The following H2AC12 variants were observed in gnomAD, a reference collection of about 807,000 sequenced individuals.
H2AC12 encodes the protein histone H2A type 1-H.
Under a neutral mutation model 5.8 loss-of-function variants are expected in H2AC12, and 9 were observed. That is an observed-to-expected ratio of 1.56 (90% CI 0.94 to 2.71). The LOEUF is 2.71. Among genes scored for constraint, H2AC12 ranks in the 30% most tolerant of loss-of-function variants. The pLI is 0.00. For synonymous variants in H2AC12, 158 were observed against 78.1 expected (o/e 2.02, Z -5.39); for missense variants, 232 against 173.1 (o/e 1.34, Z -1.91).
rs150434841 is a variant in H2AC12 at position 27,147,165 on chromosome 6, G to A, written c.37G>A (p.Ala13Thr). The A allele has an allele frequency of 6.2e-7, 1 of 1,613,394 alleles. No homozygotes were observed. The highest frequency in any genetic ancestry group is 8.5e-7 in the Non-Finnish European group (1 of 1,179,582). Residue 13 changes from alanine to threonine, a missense_variant, in exon 1 of 1, where the codon GCC (alanine) becomes ACC (threonine). By Grantham distance (58) the Ala-to-Thr change is moderately conservative. Coordinates refer to ENST00000377459, the MANE Select transcript of H2AC12 (RefSeq NM_080596.3). ...TGGCAAGCAAGGCGGTAAAGCTCGC[G>A]CCAAGGCCAAGACCCGCTCTTCTCG... Reference protein sequence around the residue: ...GRGKQGGKARAKAKTRSSRAG... With the variant: ...GRGKQGGKARTKAKTRSSRAG...
rs760012944 is a variant in H2AC12, at chr6:27,147,539, A to G, written c.*24A>G. 2.5e-6 allele frequency: 4 copies of G among 1,612,000 alleles called. No homozygotes were observed. The highest frequency in any genetic ancestry group is 3.4e-6 in the Non-Finnish European group (4 of 1,178,840). On this transcript the variant is annotated 3_prime_UTR_variant, in exon 1 of 1. Coordinates refer to ENST00000377459, the MANE Select transcript of H2AC12 (RefSeq NM_080596.3). ...AAGGAGCGAGGTTGTGAAAACTGGA[A>G]AACAAAGGCTCTTTTCAGAGCCATT... is the stretch of plus-strand genomic sequence containing the variant.
In H2AC12 at chr6:27,147,474, C is replaced by G; in HGVS notation, c.346C>G (p.Leu116Val). 1 of 1,614,188 alleles carries G rather than the reference C, an allele frequency of 6.2e-7. No individual in the cohort carries two copies. Among genetic ancestry groups the G allele is most frequent in the Non-Finnish European group, 8.5e-7 (1 of 1,180,034 alleles). ...GGVLPNIQAV[L>V]LPKKTESHHK... ...TGTCTTGCCCAATATCCAGGCCGTG[C>G]TGCTGCCTAAGAAGACTGAGAGCCA... is the stretch of plus-strand genomic sequence containing the variant. The change falls in exon 1 of 1, where the codon CTG (leucine) becomes GTG (valine). Residue 116 changes from leucine to valine, a missense_variant. Coordinates refer to ENST00000377459, the MANE Select transcript of H2AC12 (RefSeq NM_080596.3).
chr6:27,147,559 G>C lies in H2AC12; in HGVS notation c.*44G>C. On this transcript the variant is annotated 3_prime_UTR_variant, in exon 1 of 1. Transcript: ENST00000377459. ...CTGGAAAACAAAGGCTCTTTTCAGA[G>C]CCATTCTACACTGTCTTAGAGAAAG... The C allele has an allele frequency of 6.2e-7, 1 of 1,603,564 alleles. No individual in the cohort carries two copies. The highest frequency in any genetic ancestry group is 8.5e-7 in the Non-Finnish European group (1 of 1,173,176).
rs777569459 is a variant in H2AC12 at position 27,147,144 on chromosome 6, A to G, written c.16A>G (p.Lys6Glu). ...TGTGACCAGTATGTCTGGACGTGGC[A>G]AGCAAGGCGGTAAAGCTCGCGCCAA... MSGRG[K>E]QGGKARAKAK... The change falls in exon 1 of 1, where the codon AAG becomes GAG. Residue 6 changes from lysine (K) to glutamate (E), a missense_variant. Physicochemically the swap from Lys to Glu is moderately conservative, Grantham distance 56. Coordinates refer to ENST00000377459, the MANE Select transcript of H2AC12 (RefSeq NM_080596.3). 6 of 1,611,812 alleles carry G rather than the reference A, an allele frequency of 3.7e-6. No homozygotes were observed. Among genetic ancestry groups the G allele is most frequent in the Non-Finnish European group, 5.1e-6 (6 of 1,178,696 alleles).
At position 27,147,368 on chromosome 6, in the gene H2AC12, C is replaced by T. The variant is rs570929891; in HGVS notation, c.240C>T (p.Ile80=). The T allele has an allele frequency of 1.1e-5, 18 of 1,614,202 alleles. No homozygotes were observed. Among genetic ancestry groups the T allele is most frequent in the South Asian group, 6.6e-5 (6 of 91,090 alleles). The change falls in exon 1 of 1, where the codon ATC becomes ATT. Residue 80 remains isoleucine, a synonymous_variant. Coordinates refer to ENST00000377459, the MANE Select transcript of H2AC12 (RefSeq NM_080596.3). ...GCGACAACAAGAAGACCCGTATCAT[C>T]CCGCGTCACCTCCAACTGGCCATCC... ...AARDNKKTRI[I]PRHLQLAIRN...
Position 27,147,341 on chromosome 6 carries a change from C to A in H2AC12, c.213C>A (p.Ala71=). The A allele has an allele frequency of 6.2e-7, 1 of 1,614,180 alleles. No individual in the cohort carries two copies. The highest frequency in any genetic ancestry group is 8.5e-7 in the Non-Finnish European group (1 of 1,180,042). The change falls in exon 1 of 1, where the codon GCC becomes GCA. Residue 71 remains alanine (A), a synonymous_variant. Transcript: ENST00000377459. ...TCCTGGAGCTGGCTGGCAATGCGGC[C>A]CGCGACAACAAGAAGACCCGTATCA... The part of the protein sequence containing the change: ...AEILELAGNA[A]RDNKKTRIIP...
rs199735746 is a variant in H2AC12, at chr6:27,147,555, C to T, written c.*40C>T. The T allele has an allele frequency of 1.2e-6, 2 of 1,604,810 alleles. No individual in the cohort carries two copies. The highest frequency in any genetic ancestry group is 1.7e-6 in the Non-Finnish European group (2 of 1,173,848). On this transcript the variant is annotated 3_prime_UTR_variant, in exon 1 of 1. Transcript: ENST00000377459. ...AAAACTGGAAAACAAAGGCTCTTTT[C>T]AGAGCCATTCTACACTGTCTTAGAG...
Position 27,147,174 on chromosome 6 carries a change from A to G in H2AC12, c.46A>G (p.Lys16Glu). The G allele has an allele frequency of 4.3e-6, 7 of 1,613,914 alleles. No individual in the cohort carries two copies. Among genetic ancestry groups the G allele is most frequent in the Non-Finnish European group, 5.9e-6 (7 of 1,179,834 alleles). The change falls in exon 1 of 1, where the codon AAG (lysine) becomes GAG (glutamate). Residue 16 changes from lysine to glutamate, a missense_variant. Transcript: ENST00000377459. ...KQGGKARAKAKTRSSRAGLQF... is the reference protein window; with the variant it reads ...KQGGKARAKAETRSSRAGLQF... ...AGGCGGTAAAGCTCGCGCCAAGGCC[A>G]AGACCCGCTCTTCTCGGGCTGGGCT...
chr6:27,147,226 G>C lies in H2AC12; in HGVS notation c.98G>C (p.Arg33Pro). The change falls in exon 1 of 1, where the codon CGC (arginine) becomes CCC (proline). Residue 33 changes from arginine (R) to proline (P), a missense_variant. Transcript: ENST00000377459. ...GLQFPVGRVH[R>P]LLRKGNYAER... Reference sequence around the variant, plus strand: ...CAGTTCCCCGTGGGCCGAGTGCACCGCCTGCTCCGCAAGGGTAATTATGCC... The same window carrying C: ...CAGTTCCCCGTGGGCCGAGTGCACCCCCTGCTCCGCAAGGGTAATTATGCC... 6.2e-7 allele frequency: 1 copy of C among 1,614,148 alleles called. No homozygotes were observed. The highest frequency in any genetic ancestry group is 8.5e-7 in the Non-Finnish European group (1 of 1,180,018).
In H2AC12 at chr6:27,147,228, C is replaced by T. The variant is rs768011814; in HGVS notation, c.100C>T (p.Leu34=). 6.8e-6 allele frequency: 11 copies of T among 1,614,064 alleles called. No individual in the cohort carries two copies. The East Asian group carries it at 2.0e-4, about 29-fold the overall frequency. Residue 34 remains leucine, a synonymous_variant, in exon 1 of 1, where the codon CTG becomes TTG. Coordinates refer to ENST00000377459, the MANE Select transcript of H2AC12 (RefSeq NM_080596.3). The stretch of plus-strand genomic sequence containing the variant: ...GTTCCCCGTGGGCCGAGTGCACCGC[C>T]TGCTCCGCAAGGGTAATTATGCCGA... The part of the protein sequence containing the change: ...LQFPVGRVHR[L]LRKGNYAERV...
Position 27,147,246 on chromosome 6 carries a change from T to G in H2AC12, c.118T>G (p.Tyr40Asp). Residue 40 changes from tyrosine to aspartate, a missense_variant, in exon 1 of 1, where the codon TAT becomes GAT. Transcript: ENST00000377459. ...GCACCGCCTGCTCCGCAAGGGTAAT[T>G]ATGCCGAGCGGGTTGGAGCCGGCGC... ...RVHRLLRKGNYAERVGAGAPV... is the reference protein window; with the variant it reads ...RVHRLLRKGNDAERVGAGAPV... 1 of 1,614,140 alleles carries G rather than the reference T, an allele frequency of 6.2e-7. No homozygotes were observed. The highest frequency in any genetic ancestry group is 8.5e-7 in the Non-Finnish European group (1 of 1,180,020).
chr6:27,147,120 G>A lies in H2AC12; in HGVS notation c.-9G>A, dbSNP rs758692302. On this transcript the variant is annotated 5_prime_UTR_variant, in exon 1 of 1. It adds an upstream start codon to the 5' untranslated region. Transcript: ENST00000377459. ...CCTCGTTGGCTACTTTCAGTAAGTT[G>A]TGACCAGTATGTCTGGACGTGGCAA... 30 of 1,603,040 alleles carry A rather than the reference G, an allele frequency of 1.9e-5. No homozygotes were observed. The highest frequency in any genetic ancestry group is 6.9e-5 in the Admixed American group (4 of 58,088).
rs750738316 is a variant in H2AC12 at position 27,147,353 on chromosome 6, G to A, written c.225G>A (p.Lys75=). ...ELAGNAARDN[K]KTRIIPRHLQ... Reference sequence around the variant, plus strand: ...CTGGCAATGCGGCCCGCGACAACAAGAAGACCCGTATCATCCCGCGTCACC... The same window carrying A: ...CTGGCAATGCGGCCCGCGACAACAAAAAGACCCGTATCATCCCGCGTCACC... The change falls in exon 1 of 1, where the codon AAG becomes AAA. Residue 75 remains lysine, a synonymous_variant. Coordinates refer to ENST00000377459, the MANE Select transcript of H2AC12 (RefSeq NM_080596.3). 2.2e-5 allele frequency: 36 copies of A among 1,614,096 alleles called. No individual in the cohort carries two copies. In the Admixed American group the frequency reaches 5.3e-4, roughly 24 times the overall value.
Position 27,147,122 on chromosome 6 carries a change from G to A in H2AC12, c.-7G>A, listed in dbSNP as rs534105301. 76 of 1,604,300 alleles carry A rather than the reference G, an allele frequency of 4.7e-5. No homozygotes were observed. Among genetic ancestry groups the A allele is most frequent in the East Asian group, 3.6e-4 (16 of 44,814 alleles). On this transcript the variant is annotated 5_prime_UTR_variant, in exon 1 of 1. Coordinates refer to ENST00000377459, the MANE Select transcript of H2AC12 (RefSeq NM_080596.3). The stretch of plus-strand genomic sequence containing the variant: ...TCGTTGGCTACTTTCAGTAAGTTGT[G>A]ACCAGTATGTCTGGACGTGGCAAGC...
chr6:27,147,141 G>T lies in H2AC12; in HGVS notation c.13G>T (p.Gly5Cys). ...AGTTGTGACCAGTATGTCTGGACGTGGCAAGCAAGGCGGTAAAGCTCGCGC... is the reference window on the plus strand; with the variant it reads ...AGTTGTGACCAGTATGTCTGGACGTTGCAAGCAAGGCGGTAAAGCTCGCGC... MSGR[G>C]KQGGKARAKA... Residue 5 changes from glycine (G) to cysteine (C), a missense_variant, in exon 1 of 1, where the codon GGC (glycine) becomes TGC (cysteine). By Grantham distance (159) the Gly-to-Cys change is radical. Transcript: ENST00000377459. 1.2e-6 allele frequency: 2 copies of T among 1,611,536 alleles called. No individual in the cohort carries two copies. The highest frequency in any genetic ancestry group is 1.7e-6 in the Non-Finnish European group (2 of 1,178,452).
In H2AC12 at chr6:27,147,508, C is replaced by G. The variant is rs750332961; in HGVS notation, c.380C>G (p.Ala127Gly). The G allele has an allele frequency of 6.2e-7, 1 of 1,613,958 alleles. No individual in the cohort carries two copies. Among genetic ancestry groups the G allele is most frequent in the Non-Finnish European group, 8.5e-7 (1 of 1,179,904 alleles). The change falls in exon 1 of 1, where the codon GCC (alanine) becomes GGC (glycine). Residue 127 changes from alanine to glycine, a missense_variant. Physicochemically the swap from Ala to Gly is moderately conservative, Grantham distance 60 (BLOSUM62 0). Coordinates refer to ENST00000377459, the MANE Select transcript of H2AC12 (RefSeq NM_080596.3). ...AAGAAGACTGAGAGCCACCATAAGG[C>G]CAAATAAGGAGCGAGGTTGTGAAAA... The part of the protein sequence containing the change: ...LPKKTESHHK[A>G]K
Position 27,147,503 on chromosome 6 carries a change from T to C in H2AC12, c.375T>C (p.His125=). Residue 125 remains histidine, a synonymous_variant, in exon 1 of 1, where the codon CAT becomes CAC. Transcript: ENST00000377459. ...VLLPKKTESH[H]KAK ...TGCCTAAGAAGACTGAGAGCCACCA[T>C]AAGGCCAAATAAGGAGCGAGGTTGT... The C allele has an allele frequency of 6.2e-7, 1 of 1,613,980 alleles. No individual in the cohort carries two copies. Among genetic ancestry groups the C allele is most frequent in the Non-Finnish European group, 8.5e-7 (1 of 1,179,918 alleles).
rs897435380 is a variant in H2AC12, at chr6:27,147,117, G to A, written c.-12G>A. The A allele has an allele frequency of 3.7e-6, 6 of 1,601,984 alleles. No homozygotes were observed. Among genetic ancestry groups the A allele is most frequent in the East Asian group, 4.5e-5 (2 of 44,786 alleles). ...TTTCCTCGTTGGCTACTTTCAGTAA[G>A]TTGTGACCAGTATGTCTGGACGTGG... On this transcript the variant is annotated 5_prime_UTR_variant, in exon 1 of 1. Transcript: ENST00000377459.
In H2AC12 at chr6:27,147,427, A is replaced by G. The variant is rs1395614650; in HGVS notation, c.299A>G (p.Lys100Arg). 2 of 1,614,192 alleles carry G rather than the reference A, an allele frequency of 1.2e-6. No individual in the cohort carries two copies. Among genetic ancestry groups the G allele is most frequent in the Admixed American group, 3.3e-5 (2 of 60,016 alleles). ...GAGGAGCTCAACAAGCTGCTGGGCA[A>G]AGTCACCATCGCGCAGGGTGGTGTC... ...NDEELNKLLG[K>R]VTIAQGGVLP... Residue 100 changes from lysine (K) to arginine (R), a missense_variant, in exon 1 of 1, where the codon AAA becomes AGA. Transcript: ENST00000377459.
Sources: allele counts gnomAD v4.1 joint callset, GRCh38; gene constraint gnomAD v4.1.1; transcripts MANE v1.5; gene names NCBI Gene and HGNC (gene_info 2026-07-23, HGNC 2026-07-21).